ADARB2: variants seen among roughly 807,000 people sequenced by gnomAD.
ADARB2 encodes the protein inactive double-stranded RNA-specific editase B2.
Under a neutral mutation model 62.2 loss-of-function variants are expected in ADARB2, and 25 were observed. The observed-to-expected ratio is 0.40, with a 90% CI of 0.29 to 0.56. The LOEUF is 0.56. Ranked by LOEUF, ADARB2 falls within the 20% of genes least tolerant of loss-of-function variation. The pLI, the probability that ADARB2 is intolerant of heterozygous loss-of-function variation, is 0.43. For missense variants in ADARB2, 1,071 were observed against 1,077.4 expected (o/e 0.99, Z 0.08); for synonymous variants, 572 against 500.8 (o/e 1.14, Z -1.90).
At chr10:1,436,199 A>G (rs963825897) in intron 1 of ADARB2, among the ~76,000 whole-genome samples, 3 of 152,216 alleles carry the variant, frequency 2.0e-5, no homozygotes, top group Non-Finnish European at 4.4e-5. Flanking sequence ...CTCTATTCAA[A>G]TAGAGCAGCT....
intron 3 of ADARB2, among the ~76,000 whole-genome samples, chr10:1,296,514 T>C (rs1589182808): frequency 6.6e-6 from 1 of 152,254 alleles, no homozygotes; most frequent in African/African-American, 2.4e-5. Flanking sequence ...CGGCAGAGAA[T>C]TGAGGGACAG....
At chr10:1,603,996 G>A (rs1833464437) in intron 1 of ADARB2, among the ~76,000 whole-genome samples, 1 of 151,926 alleles carries the variant, frequency 6.6e-6, no homozygotes, top group African/African-American at 2.4e-5. Flanking sequence ...GTAAAGATGG[G>A]GTTTCACTAT....
rs140841381 is a variant in ADARB2, at chr10:1,561,208, G to A, written c.100+175843C>T. On this transcript the variant is annotated intron_variant, in intron 1 of 9. Coordinates refer to ENST00000381312, the MANE Select transcript of ADARB2 (RefSeq NM_018702.4). Reference sequence around the variant, plus strand: ...ATTTTTTCTTTGAAATGTGTTGTGTGTGGGTCACTGGCAGCCCCTCTCTCT... The same window carrying A: ...ATTTTTTCTTTGAAATGTGTTGTGTATGGGTCACTGGCAGCCCCTCTCTCT... Among the ~76,000 whole-genome samples, 83 of 152,330 alleles carry A rather than the reference G, an allele frequency of 5.4e-4. 1 individual carries two copies. The highest frequency in any genetic ancestry group is 2.6e-4 in the Admixed American group (4 of 15,308).
chr10:1,254,927 C>T (rs1336757404), intron 4 of ADARB2, among the ~76,000 whole-genome samples: 2 of 152,244 alleles, frequency 1.3e-5, no homozygotes, highest in African/African-American at 4.8e-5. Flanking sequence ...TAGTGAATCC[C>T]AAATGCTGAC....
At chr10:1,319,281 A>G (rs945496951) in intron 3 of ADARB2, among the ~76,000 whole-genome samples, 13 of 152,334 alleles carry the variant, frequency 8.5e-5, no homozygotes, top group Middle Eastern at 3.4e-3. Flanking sequence ...CCTGTGGATC[A>G]TACCTCAAGA....
intron 8 of ADARB2, among the ~76,000 whole-genome samples, chr10:1,196,441 A>G (rs1170619576): frequency 6.6e-6 from 1 of 152,020 alleles, no homozygotes; most frequent in African/African-American, 2.4e-5. Context: ...ATGTATTGAC[A>G]ATGGAAGTAT....
At chr10:1,230,767 C>T (rs1208543643) in intron 6 of ADARB2, among the ~76,000 whole-genome samples, 2 of 152,154 alleles carry the variant, frequency 1.3e-5, no homozygotes, top group Non-Finnish European at 2.9e-5. Context: ...TCCTTCTCCA[C>T]GCTCTCCAGA....
At chr10:1,635,747 T>C (rs376591097) in intron 1 of ADARB2, among the ~76,000 whole-genome samples, 1 of 152,356 alleles carries the variant, frequency 6.6e-6, no homozygotes, top group East Asian at 1.9e-4. Flanking sequence ...CAGACACATG[T>C]TGAGCGATTC....
intron 1 of ADARB2, among the ~76,000 whole-genome samples, chr10:1,651,749 G>C (rs1834113561): frequency 6.6e-6 from 1 of 152,168 alleles, no homozygotes; most frequent in Admixed American, 6.5e-5. Context: ...GTGACTCTCG[G>C]GGGGAGCGGG....
At chr10:1,289,580 C>T (rs1024894564) in intron 3 of ADARB2, among the ~76,000 whole-genome samples, 7 of 152,364 alleles carry the variant, frequency 4.6e-5, no homozygotes, top group African/African-American at 1.4e-4. Flanking sequence ...GACGGGCAGA[C>T]CCATCCCACT....
intron 1 of ADARB2, among the ~76,000 whole-genome samples, chr10:1,524,949 A>G (rs184030915): frequency 6.0e-4 from 92 of 152,342 alleles, no homozygotes; most frequent in Non-Finnish European, 1.2e-3. Context: ...GATAGTTTAT[A>G]TCCACAAATA....
intron 1 of ADARB2, among the ~76,000 whole-genome samples, chr10:1,721,712 T>C (rs1269201163): frequency 6.6e-6 from 1 of 152,212 alleles, no homozygotes; most frequent in Non-Finnish European, 1.5e-5. Flanking sequence ...CAATATTATC[T>C]CAATGATGTG....
In ADARB2 at chr10:1,208,805, G is replaced by C. The variant is rs371885720; in HGVS notation, c.1682+8146C>G. 4.1e-4 allele frequency among the ~76,000 whole-genome samples: 62 copies of C among 152,342 alleles called. 1 individual carries two copies. Among genetic ancestry groups the C allele is most frequent in the African/African-American group, 1.5e-3 (61 of 41,590 alleles). On this transcript the variant is annotated intron_variant, in intron 7 of 9. Coordinates refer to ENST00000381312, the MANE Select transcript of ADARB2 (RefSeq NM_018702.4). Reference sequence around the variant, plus strand: ...AGGGAGGGCCTGGTTCCTGCCCTCTGGGAGGGCCTGATTTGTCGGGGGAGA... The same window carrying C: ...AGGGAGGGCCTGGTTCCTGCCCTCTCGGAGGGCCTGATTTGTCGGGGGAGA...
intron 1 of ADARB2, among the ~76,000 whole-genome samples, chr10:1,685,310 A>T (rs550763460): frequency 6.6e-6 from 1 of 152,160 alleles, no homozygotes; most frequent in Admixed American, 6.5e-5. Context: ...GCACACCAAG[A>T]TCAACTTGAC....
chr10:1,191,979 C>T lies in ADARB2; in HGVS notation c.1865-6940G>A, dbSNP rs572615973. ...AGCACAACCACTGCTGTTACATCAC[C>T]ATTACTAGGACCGGTGGGGGTGAAT... On this transcript the variant is annotated intron_variant, in intron 8 of 9. Transcript: ENST00000381312. Among the ~76,000 whole-genome samples, 39 of 152,264 alleles carry T rather than the reference C, an allele frequency of 2.6e-4. No homozygotes were observed. The Middle Eastern group carries it at 0.014, about 53-fold the overall frequency.
chr10:1,629,512 A>C (rs1588330093), intron 1 of ADARB2, among the ~76,000 whole-genome samples: 2 of 115,808 alleles, frequency 1.7e-5, no homozygotes, highest in Admixed American at 8.7e-5. Context: ...TGCGCCCAAC[A>C]CCACCCAGTG....
intron 2 of ADARB2, among the ~76,000 whole-genome samples, chr10:1,366,737 G>A (rs937820074): frequency 3.3e-5 from 5 of 152,150 alleles, no homozygotes; most frequent in Admixed American, 2.6e-4. Flanking sequence ...ACCCTTTTCT[G>A]GGCCCTCTGG....
At chr10:1,649,141 C>G (rs1834080726) in intron 1 of ADARB2, among the ~76,000 whole-genome samples, 1 of 152,146 alleles carries the variant, frequency 6.6e-6, no homozygotes, top group South Asian at 2.1e-4. Context: ...ACATTCATGC[C>G]CATCTTTCCA....
chr10:1,699,623 C>A (rs867403462), intron 1 of ADARB2, among the ~76,000 whole-genome samples: 11 of 83,456 alleles, frequency 1.3e-4, no homozygotes, highest in East Asian at 3.8e-4. Flanking sequence ...CGCCAATACA[C>A]TCAATCCCAC....
Sources: allele counts gnomAD v4.1 joint callset (sites outside exome capture counted in the v4.1 genomes callset), GRCh38; gene constraint gnomAD v4.1.1; transcripts MANE v1.5; gene names NCBI Gene and HGNC (gene_info 2026-07-23, HGNC 2026-07-21).